Variants in FARS2 observed in about 807,000 individuals in gnomAD.
The protein encoded by FARS2 is phenylalanine--tRNA ligase, mitochondrial.
Under a neutral mutation model 46.4 loss-of-function variants are expected in FARS2, and 40 were observed. The observed-to-expected ratio is 0.86, with a 90% confidence interval of 0.67 to 1.12. FARS2 has a LOEUF of 1.12. FARS2 is among the 50% of genes most tolerant of loss of function. FARS2 has a pLI of 0.00. For missense variants in FARS2, 513 were observed against 567.9 expected (o/e 0.90, Z 0.98); for synonymous variants, 234 against 214.9 (o/e 1.09, Z -0.78).
chr6:5,572,406 T>C (rs1027159616), intron 5 of FARS2, among the ~76,000 whole-genome samples: 11 of 152,128 alleles, frequency 7.2e-5, no homozygotes, highest in Non-Finnish European at 1.5e-4. Context: ...TCCACCCCCA[T>C]GATCCAAACA....
At chr6:5,339,285 G>A (rs1771385764) in intron 1 of FARS2, among the ~76,000 whole-genome samples, 1 of 152,172 alleles carries the variant, frequency 6.6e-6, no homozygotes, top group African/African-American at 2.4e-5. Flanking sequence ...ATTTTACCTA[G>A]TAAATATTCC....
rs150599298 is a variant in FARS2, at chr6:5,646,518, G to A, written c.1217+33198G>A. ...GCTCCTCTACTCTTGAAAAGAGGAG[G>A]GGTTTTTAAAAGAATGCCTAGTAGG... is the stretch of plus-strand genomic sequence containing the variant. On this transcript the variant is annotated intron_variant, in intron 6 of 6. Transcript: ENST00000274680. Among the ~76,000 whole-genome samples, 15 of 152,212 alleles carry A rather than the reference G, an allele frequency of 9.9e-5. No homozygotes were observed. In the East Asian group the frequency reaches 1.5e-3, roughly 16 times the overall value.
chr6:5,542,445 T>G (rs1770694665), intron 4 of FARS2, among the ~76,000 whole-genome samples: 1 of 152,250 alleles, frequency 6.6e-6, no homozygotes, highest in South Asian at 2.1e-4. Flanking sequence ...GGAATTGCTC[T>G]GTCATATGCT....
At chr6:5,516,831 A>C (rs1768827894) in intron 4 of FARS2, among the ~76,000 whole-genome samples, 1 of 152,166 alleles carries the variant, frequency 6.6e-6, no homozygotes, top group Admixed American at 6.5e-5. Flanking sequence ...CCCCAATTTA[A>C]GTTTTCAATT....
At chr6:5,497,332 A>T (rs1008936959) in intron 4 of FARS2, among the ~76,000 whole-genome samples, 10 of 152,192 alleles carry the variant, frequency 6.6e-5, no homozygotes, top group Admixed American at 1.3e-4. Context: ...GGAAACCAAG[A>T]TGTTAGGAGC....
chr6:5,614,069 A>T (rs1775332282), intron 6 of FARS2, among the ~76,000 whole-genome samples: 1 of 152,210 alleles, frequency 6.6e-6, no homozygotes, highest in Middle Eastern at 3.4e-3. Flanking sequence ...GTGTAAAGTG[A>T]TGATTGTTGG....
At chr6:5,394,333 T>C (rs1005399146) in intron 2 of FARS2, among the ~76,000 whole-genome samples, 1 of 152,196 alleles carries the variant, frequency 6.6e-6, no homozygotes, top group Non-Finnish European at 1.5e-5. Flanking sequence ...TGATTTGTGT[T>C]ACAGTTGCCT....
At chr6:5,514,179 A>T (rs528080478) in intron 4 of FARS2, among the ~76,000 whole-genome samples, 49 of 152,246 alleles carry the variant, frequency 3.2e-4, no homozygotes, top group African/African-American at 1.1e-3. Context: ...TTACAGATTC[A>T]CAAATATGCA....
intron 6 of FARS2, among the ~76,000 whole-genome samples, chr6:5,731,152 C>T (rs528868742): frequency 1.8e-4 from 27 of 152,230 alleles, no homozygotes; most frequent in African/African-American, 6.0e-4. Context: ...TCAGAGAAAC[C>T]GGGAGTTGGG....
intron 3 of FARS2, among the ~76,000 whole-genome samples, chr6:5,423,933 A>G (rs1036975537): frequency 7.2e-5 from 11 of 152,182 alleles, no homozygotes; most frequent in Non-Finnish European, 2.9e-5. Context: ...GTATTCCCAC[A>G]TGGATGCTTC....
At chr6:5,389,246 A>G (rs1760332003) in intron 2 of FARS2, among the ~76,000 whole-genome samples, 1 of 152,164 alleles carries the variant, frequency 6.6e-6, no homozygotes, top group Non-Finnish European at 1.5e-5. Flanking sequence ...AAAATGTTAC[A>G]TCAGTTGACC....
chr6:5,696,320 A>G (rs1297904565), intron 6 of FARS2, among the ~76,000 whole-genome samples: 1 of 152,202 alleles, frequency 6.6e-6, no homozygotes, highest in Admixed American at 6.5e-5. Context: ...AGTAGCCATT[A>G]TTATTTTTTA....
chr6:5,419,247 A>T (rs1048464965), intron 3 of FARS2, among the ~76,000 whole-genome samples: 2 of 152,106 alleles, frequency 1.3e-5, no homozygotes, highest in Non-Finnish European at 2.9e-5. Context: ...AATTTTTATG[A>T]ATTTTATTTT....
In FARS2 at chr6:5,765,695, C is replaced by T. The variant is rs542723100; in HGVS notation, c.1218-5596C>T. Among the ~76,000 whole-genome samples the T allele has an allele frequency of 3.5e-4, 54 of 152,274 alleles. No individual in the cohort carries two copies. Among genetic ancestry groups the T allele is most frequent in the African/African-American group, 1.3e-3 (53 of 41,526 alleles). ...GGCTGACTTCATCGCCAAGCAAGTACCAGCCCCTCCTGCTGTCATGGGCGT... is the reference window on the plus strand; with the variant it reads ...GGCTGACTTCATCGCCAAGCAAGTATCAGCCCCTCCTGCTGTCATGGGCGT... On this transcript the variant is annotated intron_variant, in intron 6 of 6. Transcript: ENST00000274680. This position sits in a 1 kb window ranked among gnomAD's most constrained non-coding sequence, Gnocchi z 4.0.
At position 5,596,533 on chromosome 6, in the gene FARS2, T is replaced by G. The variant is rs1774207819; in HGVS notation, c.1066-16636T>G. On this transcript the variant is annotated intron_variant, in intron 5 of 6. Coordinates refer to ENST00000274680, the MANE Select transcript of FARS2 (RefSeq NM_006567.5). ...ATTATTCATTTTGCATAAGGGAAAT[T>G]AATCATTAAAGGGCTTGGAATTTTA... 2.6e-5 allele frequency among the ~76,000 whole-genome samples: 4 copies of G among 152,250 alleles called. No individual in the cohort carries two copies. In the South Asian group the frequency reaches 8.3e-4, roughly 32 times the overall value.
chr6:5,557,797 A>G (rs1380534399), intron 5 of FARS2, among the ~76,000 whole-genome samples: 3 of 152,148 alleles, frequency 2.0e-5, no homozygotes, highest in Non-Finnish European at 4.4e-5. Flanking sequence ...TAAACATAAC[A>G]TGTTCCTTTT....
chr6:5,643,541 G>A (rs990581247), intron 6 of FARS2, among the ~76,000 whole-genome samples: 1 of 152,186 alleles, frequency 6.6e-6, no homozygotes, highest in Non-Finnish European at 1.5e-5. Context: ...GGGCATCAGT[G>A]GTGGTATTAG....
intron 6 of FARS2, among the ~76,000 whole-genome samples, chr6:5,668,562 A>G (rs1778266180): frequency 6.6e-6 from 1 of 151,996 alleles, no homozygotes; most frequent in African/African-American, 2.4e-5. Flanking sequence ...AACATTTGTT[A>G]TTCTTTATGT....
At chr6:5,571,831 C>T (rs1000935772) in intron 5 of FARS2, among the ~76,000 whole-genome samples, 11 of 152,090 alleles carry the variant, frequency 7.2e-5, no homozygotes, top group Non-Finnish European at 2.9e-5. Context: ...CAATCCCTCT[C>T]TTGGGCTCCC....
Sources: allele counts gnomAD v4.1 joint callset (sites outside exome capture counted in the v4.1 genomes callset), GRCh38; gene constraint gnomAD v4.1.1; non-coding constraint Gnocchi (gnomAD v3.1); transcripts MANE v1.5; gene names NCBI Gene and HGNC (gene_info 2026-07-23, HGNC 2026-07-21).